Variants in SART1 observed in about 807,000 individuals in gnomAD.
The protein encoded by SART1 is spliceosome associated factor 1, recruiter of U4/U6.U5 tri-snRNP.
Under a neutral mutation model 105.0 loss-of-function variants are expected in SART1, and 28 were observed. The ratio of observed to expected loss-of-function variants is 0.27; its 90% CI spans 0.20 to 0.37. The LOEUF (loss-of-function observed/expected upper bound fraction) is 0.37, where lower values mean the gene tolerates loss of function less well. Among genes scored for constraint, SART1 ranks in the 10% least tolerant of loss-of-function variants. The probability of loss-of-function intolerance (pLI) is 1.00; values close to 1 mark genes in which losing one functional copy is unlikely to be tolerated. For missense variants in SART1, 894 were observed against 1,106.5 expected (o/e 0.81, Z 2.72); for synonymous variants, 472 against 462.9 (o/e 1.02, Z -0.25).
intron 1 of SART1, 114 bp from the exon 2 acceptor site, chr11:65,963,960 A>G: frequency 1.2e-6 from 1 of 816,126 alleles, no homozygotes; most frequent in Non-Finnish European, 2.0e-6. Context: ...CTGGTGTTTC[A>G]GCAGGCCCAG....
intron 1 of SART1, 68 bp downstream of exon 1, chr11:65,962,161 G>A: frequency 4.3e-6 from 5 of 1,153,988 alleles, no homozygotes; most frequent in Non-Finnish European, 5.8e-6. Flanking sequence ...GTCTGGGTGT[G>A]CGCGCAGTGT....
At chr11:65,963,276 G>A (rs903358629) in intron 1 of SART1, among the ~76,000 whole-genome samples, 1 of 152,166 alleles carries the variant, frequency 6.6e-6, no homozygotes, top group South Asian at 2.1e-4. Context: ...TAGAAGGAGG[G>A]AGCGATCAGC....
At chr11:65,968,846 A>G (rs145777558) in intron 12 of SART1, among the ~76,000 whole-genome samples, 1 of 152,176 alleles carries the variant, frequency 6.6e-6, no homozygotes, top group Non-Finnish European at 1.5e-5. Context: ...GCTGCCCCAG[A>G]GGCACAGTGG....
intron 5 of SART1, 87 bp from the exon 6 acceptor site, chr11:65,965,615 T>G: frequency 7.0e-7 from 1 of 1,431,428 alleles, no homozygotes; most frequent in Non-Finnish European, 9.7e-7. Flanking sequence ...GGCCTGCCCT[T>G]TTTGCACTCC....
intron 2 of SART1, 22 bp from the exon 3 acceptor site, chr11:65,964,493 C>T (rs1565312227): frequency 1.2e-6 from 2 of 1,613,110 alleles, no homozygotes; most frequent in South Asian, 2.2e-5. Flanking sequence ...TAGCCCCTAA[C>T]ACTTGTATCT....
chr11:65,973,463 A>G (rs192760334), intron 12 of SART1, among the ~76,000 whole-genome samples: 1 of 152,338 alleles, frequency 6.6e-6, no homozygotes, highest in Admixed American at 6.5e-5. Flanking sequence ...GAACCAAAAC[A>G]GTGAGGCACC....
In SART1 at chr11:65,978,871, A is replaced by T. The variant is rs1267434290; in HGVS notation, c.2341A>T (p.Thr781Ser). Reference protein sequence around the residue: ...LLQEKQKAQKTPYIVLSGSGK... With the variant: ...LLQEKQKAQKSPYIVLSGSGK... ...CCAGGAGAAGCAGAAGGCTCAGAAGACCCCCTACATCGTGCTCAGCGGCAG... is the reference window on the plus strand; with the variant it reads ...CCAGGAGAAGCAGAAGGCTCAGAAGTCCCCCTACATCGTGCTCAGCGGCAG... The change falls in exon 19 of 20, where the codon ACC becomes TCC. Residue 781 changes from threonine (T) to serine (S), a missense_variant. Thr to Ser is a moderately conservative substitution (Grantham distance 58). Coordinates refer to ENST00000312397, the MANE Select transcript of SART1 (RefSeq NM_005146.5). The surrounding 1 kb of genome is among the most constrained non-coding windows in gnomAD (Gnocchi z 6.8). 1 of 1,612,776 alleles carries T rather than the reference A, an allele frequency of 6.2e-7. No homozygotes were observed. The highest frequency in any genetic ancestry group is 8.5e-7 in the Non-Finnish European group (1 of 1,179,802).
chr11:65,966,463 G>A lies in SART1; in HGVS notation c.1095G>A (p.Leu365=), dbSNP rs754358785. 2 of 1,612,558 alleles carry A rather than the reference G, an allele frequency of 1.2e-6. No homozygotes were observed. Among genetic ancestry groups the A allele is most frequent in the African/African-American group, 2.7e-5 (2 of 74,938 alleles). The change falls in exon 9 of 20, where the codon CTG becomes CTA. Residue 365 remains leucine, a synonymous_variant. Transcript: ENST00000312397. ...CTGATGGCCTGCGGGAGCGGGAGCT[G>A]GAGGAGATCCGGGCCAAGCTGCGGC... ...GTADGLRERE[L]EEIRAKLRLQ...
chr11:65,965,260 A>T lies in SART1; in HGVS notation c.554+42A>T, dbSNP rs1482051404. The T allele has an allele frequency of 1.9e-6, 3 of 1,608,406 alleles. No individual in the cohort carries two copies. In the South Asian group the frequency reaches 3.3e-5, roughly 18 times the overall value. On this transcript the variant is annotated intron_variant, in intron 4 of 19. Coordinates refer to ENST00000312397, the MANE Select transcript of SART1 (RefSeq NM_005146.5). ...AGGGCAGGCAAGGGAAGGGCTGGGG[A>T]GGCCACCATCCTTGGCTGCCTCTTG...
At chr11:65,969,163 G>A (rs1219522260) in intron 12 of SART1, among the ~76,000 whole-genome samples, 1 of 152,182 alleles carries the variant, frequency 6.6e-6, no homozygotes, top group Non-Finnish European at 1.5e-5. Flanking sequence ...AAGGGCTGGA[G>A]AGGACGTATT....
At position 65,967,153 on chromosome 11, in the gene SART1, C is replaced by T. The variant is rs117259742; in HGVS notation, c.1189-106C>T. On this transcript the variant is annotated intron_variant, in intron 9 of 19. Transcript: ENST00000312397. ...GCTCATGTGTGGGAAGCGCTCAGGA[C>T]GCTGGCTAGCACAGAGGAACACCAA... 3.3e-3 allele frequency: 4,978 copies of T among 1,499,554 alleles called. 17 individuals are homozygous for T. The highest frequency in any genetic ancestry group is 3.8e-3 in the Non-Finnish European group (4,268 of 1,113,110). The allele number at this position is 1,499,554 out of a possible 1,614,324, so 92.9% of individuals were successfully genotyped here.
intron 12 of SART1, among the ~76,000 whole-genome samples, chr11:65,968,686 G>T (rs571513595): frequency 8.5e-5 from 13 of 152,274 alleles, no homozygotes; most frequent in African/African-American, 3.1e-4. Flanking sequence ...CATTTAGGCA[G>T]TAGACCAACC....
At chr11:65,964,945 G>A (rs777105597) in intron 3 of SART1, 147 bp from the exon 4 acceptor site, 55 of 1,057,252 alleles carry the variant, frequency 5.2e-5, no homozygotes, top group Non-Finnish European at 6.5e-5. Context: ...GTGTGGGGAC[G>A]AAGTGGGAGC....
intron 9 of SART1, 95 bp from the exon 10 acceptor site, chr11:65,967,164 A>C (rs933144459): frequency 6.5e-7 from 1 of 1,539,984 alleles, no homozygotes; most frequent in Non-Finnish European, 8.8e-7. Flanking sequence ...GCTGGCTAGC[A>C]CAGAGGAACA....
chr11:65,962,390 G>T (rs1185666882), intron 1 of SART1, among the ~76,000 whole-genome samples: 1 of 152,246 alleles, frequency 6.6e-6, no homozygotes, highest in African/African-American at 2.4e-5. Context: ...CCACTCAGCT[G>T]CTTGAGGACA....
intron 12 of SART1, among the ~76,000 whole-genome samples, chr11:65,972,942 C>T (rs1003253474): frequency 3.9e-5 from 6 of 152,086 alleles, no homozygotes; most frequent in Admixed American, 6.5e-5. Context: ...GAGGCCAAGG[C>T]GGGCGGATCA....
At chr11:65,975,773 T>G (rs1421074598) in intron 12 of SART1, among the ~76,000 whole-genome samples, 1 of 151,358 alleles carries the variant, frequency 6.6e-6, no homozygotes, top group Non-Finnish European at 1.5e-5. Context: ...GGCTGCAGGG[T>G]TGAGGGAGAA....
At chr11:65,966,318 C>A in intron 8 of SART1, 32 bp from the exon 9 acceptor site, 1 of 1,613,940 alleles carries the variant, frequency 6.2e-7, no homozygotes, top group Non-Finnish European at 8.5e-7. Flanking sequence ...AGGAGCCAGC[C>A]TGGGTCCCAA....
chr11:65,965,320 C>T (rs780724130), intron 4 of SART1, 22 bp from the exon 5 acceptor site: 2 of 1,595,390 alleles, frequency 1.3e-6, no homozygotes, highest in Middle Eastern at 1.7e-4. Flanking sequence ...GCTCCTTGAG[C>T]ATCACTTTTT....
Sources: allele counts gnomAD v4.1 joint callset (sites outside exome capture counted in the v4.1 genomes callset), GRCh38; gene constraint gnomAD v4.1.1; non-coding constraint Gnocchi (gnomAD v3.1); transcripts MANE v1.5; gene names NCBI Gene and HGNC (gene_info 2026-07-23, HGNC 2026-07-21).